Variants in WDR5 observed in about 807,000 individuals in gnomAD.
WDR5 encodes WD repeat domain 5, also known as WD repeat-containing protein 5.
For missense variants in WDR5, 187 were observed against 416.9 expected (o/e 0.45, Z 4.80); for synonymous variants, 144 against 161.6 (o/e 0.89, Z 0.83).
intron 7 of WDR5, 111 bp downstream of exon 7, chr9:134,142,830 G>A: frequency 1.9e-6 from 2 of 1,039,458 alleles, no homozygotes; most frequent in East Asian, 2.4e-5. Context: ...CCTGTGCCTA[G>A]CTGATTCCTG....
rs748404459 is a variant in WDR5 at position 134,142,044 on chromosome 9, T to C, written c.354+6T>C. On this transcript the variant is annotated splice_donor_region_variant and intron_variant, in intron 5 of 13. Coordinates refer to ENST00000358625, the MANE Select transcript of WDR5 (RefSeq NM_017588.3). The stretch of plus-strand genomic sequence containing the variant: ...AGATATGGGACGTGAGCTCGGTAAG[T>C]GACACTCAGTGCTTCTCTCCAGGGG... The C allele has an allele frequency of 6.2e-7, 1 of 1,613,482 alleles. No homozygotes were observed. Among genetic ancestry groups the C allele is most frequent in the East Asian group, 2.2e-5 (1 of 44,876 alleles).
Position 134,159,632 on chromosome 9 carries a change from C to CGGAT in WDR5, c.*1641_*1644dup, listed in dbSNP as rs1832905573. The CGGAT allele has an allele frequency of 6.6e-6, 1 of 152,210 alleles. No homozygotes were observed. The highest frequency in any genetic ancestry group is 2.4e-5 in the African/African-American group (1 of 41,422). The allele number at this position is 152,210 out of a possible 1,614,324, so 9.4% of individuals were successfully genotyped here. ...GCCCCTCTGTTTCCGATGAGGTGTACGGATGAGTGACCTGCACTAAGAAGT... is the reference window on the plus strand; with the variant it reads ...GCCCCTCTGTTTCCGATGAGGTGTACGGATGGATGAGTGACCTGCACTAAGAAGT... On this transcript the variant is annotated 3_prime_UTR_variant, in exon 14 of 14. Transcript: ENST00000358625. The surrounding 1 kb of genome is among the most constrained non-coding windows in gnomAD (Gnocchi z 4.3).
intron 1 of WDR5, among the ~76,000 whole-genome samples, chr9:134,138,640 C>G (rs755352638): frequency 1.3e-5 from 2 of 152,180 alleles, no homozygotes; most frequent in Non-Finnish European, 2.9e-5. Context: ...CGCAGGGAAT[C>G]TTTGCTGCAG....
chr9:134,145,094 TTG>T (rs1258478795), intron 7 of WDR5, among the ~76,000 whole-genome samples: 1 of 103,704 alleles, frequency 9.6e-6, no homozygotes, highest in Non-Finnish European at 2.0e-5. Context: ...TTGTGGGGCT[TTG>T]TTTTTTTTTT....
intron 1 of WDR5, among the ~76,000 whole-genome samples, chr9:134,137,245 G>A (rs1831610009): frequency 6.6e-6 from 1 of 152,118 alleles, no homozygotes; most frequent in Admixed American, 6.5e-5. Flanking sequence ...GCTGCTAGGA[G>A]GAGCCAGGCA....
At chr9:134,141,408 T>G (rs1831880403) in intron 3 of WDR5, 102 bp from the exon 4 acceptor site, 6 of 1,138,318 alleles carry the variant, frequency 5.3e-6, no homozygotes. Flanking sequence ...TGGTTCATGC[T>G]GATCACCTGG....
chr9:134,148,797 T>G (rs1832346184), intron 8 of WDR5, among the ~76,000 whole-genome samples: 1 of 151,406 alleles, frequency 6.6e-6, no homozygotes, highest in South Asian at 2.1e-4. Flanking sequence ...GGAGGAAGAG[T>G]GACAGGGTCT....
At chr9:134,141,822 G>C in intron 4 of WDR5, 127 bp from the exon 5 acceptor site, 3 of 1,009,350 alleles carry the variant, frequency 3.0e-6, no homozygotes, top group African/African-American at 1.6e-5. Flanking sequence ...TGGGCCGTGT[G>C]TCTTTTGTAA....
chr9:134,159,833 C>A lies in WDR5; in HGVS notation c.*1840C>A, dbSNP rs1832913924. The A allele has an allele frequency of 6.6e-6, 1 of 152,208 alleles. No individual in the cohort carries two copies. Among genetic ancestry groups the A allele is most frequent in the Non-Finnish European group, 1.5e-5 (1 of 68,038 alleles). 9.4% of individuals were successfully genotyped at this position (152,208 alleles called of 1,614,324 possible). The stretch of plus-strand genomic sequence containing the variant: ...CTTCAGTCTTGTTCTGGGGGGACGG[C>A]CCACTCCGGGGAGGGGGTGTGCTGT... On this transcript the variant is annotated 3_prime_UTR_variant, in exon 14 of 14. Coordinates refer to ENST00000358625, the MANE Select transcript of WDR5 (RefSeq NM_017588.3). This position sits in a 1 kb window ranked among gnomAD's most constrained non-coding sequence, Gnocchi z 4.3.
chr9:134,140,850 G>A, intron 3 of WDR5, 39 bp downstream of exon 3: 1 of 1,586,298 alleles, frequency 6.3e-7, no homozygotes. Flanking sequence ...GGGAGAGGCG[G>A]TCTGAGCTGC....
In WDR5 at chr9:134,139,189, C is replaced by T. The variant is rs568542879; in HGVS notation, c.-58-631C>T. ...CAGGCAGAGCTGCCTCTGGCTTGCT[C>T]TCATCTCTGTGTTTTGTGGCTCCTC... On this transcript the variant is annotated intron_variant, in intron 1 of 13. Transcript: ENST00000358625. Among the ~76,000 whole-genome samples the T allele has an allele frequency of 1.4e-4, 22 of 152,258 alleles. 1 individual carries two copies. The highest frequency in any genetic ancestry group is 1.2e-3 in the Admixed American group (19 of 15,278).
At chr9:134,145,049 C>G (rs896250918) in intron 7 of WDR5, among the ~76,000 whole-genome samples, 1 of 150,598 alleles carries the variant, frequency 6.6e-6, no homozygotes, top group African/African-American at 2.4e-5. Flanking sequence ...CACTCCACAG[C>G]TGCTGCTCTG....
chr9:134,153,517 C>G (rs184585650), intron 9 of WDR5, among the ~76,000 whole-genome samples: 1 of 152,240 alleles, frequency 6.6e-6, no homozygotes, highest in South Asian at 2.1e-4. Context: ...CCCGGCCCCC[C>G]GGCCCTCACT....
intron 8 of WDR5, among the ~76,000 whole-genome samples, chr9:134,150,496 CAG>C (rs1832434764): frequency 6.6e-6 from 1 of 152,046 alleles, no homozygotes. Flanking sequence ...CTATGAAAAT[CAG>C]AAGTGGGACA....
rs1286462001 is a variant in WDR5, at chr9:134,153,007, C to G, written c.631+978C>G. ...TTGAAGGCCCTGTCTCCAGTACACT[C>G]GCCTCTGAGGCTCTGGAGGCTTGGG... On this transcript the variant is annotated intron_variant, in intron 9 of 13. Transcript: ENST00000358625. 3.3e-5 allele frequency among the ~76,000 whole-genome samples: 5 copies of G among 152,190 alleles called. No individual in the cohort carries two copies. In the South Asian group the frequency reaches 1.0e-3, roughly 32 times the overall value.
intron 1 of WDR5, among the ~76,000 whole-genome samples, chr9:134,138,091 A>G (rs550027507): frequency 1.4e-4 from 21 of 152,220 alleles, no homozygotes; most frequent in African/African-American, 3.9e-4. Flanking sequence ...TTTCTTTTAC[A>G]TGTTCATGTT....
intron 8 of WDR5, among the ~76,000 whole-genome samples, chr9:134,149,207 TGAGAA>T (rs999891535): frequency 7.2e-5 from 11 of 152,168 alleles, no homozygotes; most frequent in Non-Finnish European, 1.2e-4. Context: ...CCATCGGTCT[TGAGAA>T]GACGGGTCTG....
intron 1 of WDR5, among the ~76,000 whole-genome samples, chr9:134,139,530 A>T (rs1831764444): frequency 6.6e-6 from 1 of 152,188 alleles, no homozygotes; most frequent in African/African-American, 2.4e-5. Context: ...TTGTTTGCAC[A>T]AACTGCTGCA....
chr9:134,137,293 C>T (rs1216335437), intron 1 of WDR5, among the ~76,000 whole-genome samples: 4 of 152,136 alleles, frequency 2.6e-5, no homozygotes, highest in East Asian at 1.9e-4. Context: ...TCACCGTTCC[C>T]GTAACCTTGG....
Sources: gnomAD v4.1 joint callset for allele counts (sites outside exome capture counted in the v4.1 genomes callset) on GRCh38, gnomAD v4.1.1 for gene constraint, Gnocchi (gnomAD v3.1) non-coding constraint, MANE v1.5 for transcripts, NCBI Gene and HGNC (gene_info 2026-07-23, HGNC 2026-07-21) for gene names.